The following PSAT1 variants were observed in gnomAD, a reference collection of about 807,000 sequenced individuals.
PSAT1 encodes the protein phosphoserine aminotransferase.
PSAT1 carries 41 observed loss-of-function variants against 40.3 expected under a neutral mutation model. The ratio of observed to expected loss-of-function variants is 1.02; its 90% CI spans 0.79 to 1.32. The LOEUF (loss-of-function observed/expected upper bound fraction) is 1.32, where lower values mean the gene tolerates loss of function less well. PSAT1 is among the 40% of genes most tolerant of loss of function. The pLI is 0.00. For missense variants in PSAT1, 406 were observed against 455.8 expected, an observed-to-expected ratio of 0.89 and a Z score of 0.99; for synonymous variants, 147 against 170.5, an observed-to-expected ratio of 0.86 and a Z score of 1.07.
intron 6 of PSAT1, among the ~76,000 whole-genome samples, chr9:78,317,387 G>A (rs1362539517): frequency 6.6e-6 from 1 of 152,068 alleles, no homozygotes; most frequent in Non-Finnish European, 1.5e-5. Flanking sequence ...CAAGTAGCTG[G>A]GACTATAGGC....
chr9:78,313,342 G>A (rs1828294416), intron 6 of PSAT1, among the ~76,000 whole-genome samples: 1 of 152,204 alleles, frequency 6.6e-6, no homozygotes, highest in Non-Finnish European at 1.5e-5. Flanking sequence ...TCCAGCCGGG[G>A]TGACAGCAAA....
chr9:78,302,861 G>A (rs114482243), intron 3 of PSAT1, among the ~76,000 whole-genome samples: 6,638 of 152,060 alleles, frequency 0.044, 451 homozygotes, highest in African/African-American at 0.14. Context: ...CTGAACTGTA[G>A]GAACTACTGC....
chr9:78,319,983 TTCAC>T (rs1208701787), intron 7 of PSAT1, among the ~76,000 whole-genome samples: 15 of 115,122 alleles, frequency 1.3e-4, no homozygotes, highest in Non-Finnish European at 3.1e-4. Context: ...CATCCACTCA[TTCAC>T]TCATTCATTC....
At chr9:78,312,799 G>C (rs1828286957) in intron 6 of PSAT1, among the ~76,000 whole-genome samples, 1 of 152,222 alleles carries the variant, frequency 6.6e-6, no homozygotes, top group South Asian at 2.1e-4. Context: ...CCTTCTCCCA[G>C]TGGGATGGGG....
intron 8 of PSAT1, among the ~76,000 whole-genome samples, chr9:78,328,688 AT>A (rs1490422962): frequency 6.6e-6 from 1 of 152,208 alleles, no homozygotes; most frequent in Non-Finnish European, 1.5e-5. Flanking sequence ...CAGAATCGCT[AT>A]CTTCTTCCAA....
At chr9:78,303,009 T>A (rs376697409) in intron 3 of PSAT1, among the ~76,000 whole-genome samples, 2 of 152,274 alleles carry the variant, frequency 1.3e-5, no homozygotes, top group East Asian at 3.9e-4. Context: ...ATATAGCAAG[T>A]TTGAAAGCAT....
intron 1 of PSAT1, 57 bp from the exon 2 acceptor site, chr9:78,300,545 A>C: frequency 6.4e-7 from 1 of 1,563,220 alleles, no homozygotes; most frequent in Non-Finnish European, 8.7e-7. Flanking sequence ...GTATGTTCAG[A>C]GGGAAAGCAG....
chr9:78,329,139 G>A lies in PSAT1; in HGVS notation c.*53G>A, dbSNP rs55735002. 1 of 1,287,928 alleles carries A rather than the reference G, an allele frequency of 7.8e-7. No homozygotes were observed. The allele number at this position is 1,287,928 out of a possible 1,614,324, so 79.8% of individuals were successfully genotyped here. A position where few individuals can be genotyped will look rare whatever the true frequency, so the allele number is the denominator to read the frequency against. ...TCTTGAACAACATACAAAGTTTAAAGTAACTTGGGGATGGCTACAAAAAGT... is the reference window on the plus strand; with the variant it reads ...TCTTGAACAACATACAAAGTTTAAAATAACTTGGGGATGGCTACAAAAAGT... On this transcript the variant is annotated 3_prime_UTR_variant, in exon 9 of 9. Coordinates refer to ENST00000376588, the MANE Select transcript of PSAT1 (RefSeq NM_058179.4).
At chr9:78,297,976 T>C (rs887290460) in intron 1 of PSAT1, among the ~76,000 whole-genome samples, 1 of 152,036 alleles carries the variant, frequency 6.6e-6, no homozygotes, top group African/African-American at 2.4e-5. Context: ...CCCTCCTTTT[T>C]TTAACCTGCT....
At chr9:78,297,389 G>T (rs569771430) in intron 1 of PSAT1, 119 bp downstream of exon 1, 3 of 1,197,698 alleles carry the variant, frequency 2.5e-6, no homozygotes, top group Middle Eastern at 2.7e-4. Context: ...TCCCCTAGGC[G>T]CTTTGCATCA....
intron 7 of PSAT1, among the ~76,000 whole-genome samples, chr9:78,323,681 G>A (rs1828459563): frequency 6.6e-6 from 1 of 152,170 alleles, no homozygotes; most frequent in Admixed American, 6.5e-5. Context: ...ACGTACATGT[G>A]TATATCTAAA....
intron 7 of PSAT1, among the ~76,000 whole-genome samples, chr9:78,320,195 A>G (rs1234386130): frequency 6.6e-6 from 1 of 150,920 alleles, no homozygotes; most frequent in Non-Finnish European, 1.5e-5. Context: ...CCATTCACCC[A>G]TCCACCCATC....
At chr9:78,305,869 T>C (rs1304604658) in intron 4 of PSAT1, among the ~76,000 whole-genome samples, 1 of 152,316 alleles carries the variant, frequency 6.6e-6, no homozygotes, top group East Asian at 1.9e-4. Context: ...ATATCTCCCA[T>C]GCCTTTTGAA....
At chr9:78,299,012 C>T (rs1295865731) in intron 1 of PSAT1, among the ~76,000 whole-genome samples, 2 of 151,798 alleles carry the variant, frequency 1.3e-5, no homozygotes, top group Non-Finnish European at 2.9e-5. Flanking sequence ...TGGTGGCGCA[C>T]GCCTGTAATC....
intron 6 of PSAT1, among the ~76,000 whole-genome samples, chr9:78,312,845 A>G (rs1045519532): frequency 6.6e-6 from 1 of 152,132 alleles, no homozygotes; most frequent in African/African-American, 2.4e-5. Context: ...AGGGGTGTGT[A>G]GTGGAGCCAG....
chr9:78,304,362 A>T (rs1828149703), intron 3 of PSAT1, among the ~76,000 whole-genome samples: 1 of 152,188 alleles, frequency 6.6e-6, no homozygotes, highest in Non-Finnish European at 1.5e-5. Context: ...AGGTCTCAGT[A>T]CCAAATTCCA....
Position 78,329,198 on chromosome 9 carries a change from T to C in PSAT1, c.*112T>C. ...TATTTTTCTCAAATGAACATGTTTA[T>C]TGCAGATTCTTCTTTTTTGAAAGAA... On this transcript the variant is annotated 3_prime_UTR_variant, in exon 9 of 9. Transcript: ENST00000376588. The C allele has an allele frequency of 1.3e-6, 1 of 775,536 alleles. No individual in the cohort carries two copies. The highest frequency in any genetic ancestry group is 2.2e-6 in the Non-Finnish European group (1 of 446,268). 48.0% of individuals were successfully genotyped at this position (775,536 alleles called of 1,614,324 possible). A position where few individuals can be genotyped will look rare whatever the true frequency, so the allele number is the denominator to read the frequency against.
intron 1 of PSAT1, among the ~76,000 whole-genome samples, chr9:78,299,286 G>T (rs182563701): frequency 1.3e-5 from 2 of 149,314 alleles, no homozygotes; most frequent in Non-Finnish European, 3.0e-5. Context: ...TAATTATTTT[G>T]GTTATAAACT....
rs532586922 is a variant in PSAT1, at chr9:78,321,446, A to G, written c.869+3642A>G. 5.3e-5 allele frequency among the ~76,000 whole-genome samples: 8 copies of G among 152,246 alleles called. No individual in the cohort carries two copies. The South Asian group carries it at 1.7e-3, about 32-fold the overall frequency. The stretch of plus-strand genomic sequence containing the variant: ...TAGTTGAGCAACATGGCCCCATGGG[A>G]GGTGGCCACTTTTAAAGAGGAATAC... On this transcript the variant is annotated intron_variant, in intron 7 of 8. Coordinates refer to ENST00000376588, the MANE Select transcript of PSAT1 (RefSeq NM_058179.4).
Sources: gnomAD v4.1 joint callset for allele counts (sites outside exome capture counted in the v4.1 genomes callset) on GRCh38, gnomAD v4.1.1 for gene constraint, MANE v1.5 for transcripts, NCBI Gene and HGNC (gene_info 2026-07-23, HGNC 2026-07-21) for gene names.